The following NARS2 variants were observed in gnomAD, a reference collection of about 807,000 sequenced individuals.
NARS2 encodes the protein asparaginyl-tRNA synthetase 2, mitochondrial.
NARS2 carries 60 observed loss-of-function variants against 62.9 expected under a neutral mutation model. That is an observed-to-expected ratio of 0.95 (90% CI 0.77 to 1.18). The LOEUF (loss-of-function observed/expected upper bound fraction) is 1.18. NARS2 is among the 50% of genes most tolerant of loss of function. The probability of loss-of-function intolerance (pLI) is 0.00; values close to 1 mark genes in which losing one functional copy is unlikely to be tolerated. For missense variants in NARS2, 619 were observed against 576.4 expected, an observed-to-expected ratio of 1.07 and a Z score of -0.76; for synonymous variants, 196 against 200.0, an observed-to-expected ratio of 0.98 and a Z score of 0.17.
chr11:78,552,369 A>G (rs1856159739), intron 5 of NARS2, among the ~76,000 whole-genome samples: 2 of 152,154 alleles, frequency 1.3e-5, no homozygotes, highest in South Asian at 4.1e-4. Flanking sequence ...TATGTGTACC[A>G]TATTTTCTTT....
intron 5 of NARS2, among the ~76,000 whole-genome samples, chr11:78,529,804 G>A (rs1457875017): frequency 2.6e-5 from 4 of 152,140 alleles, no homozygotes; most frequent in Non-Finnish European, 5.9e-5. Flanking sequence ...GGGATTTATA[G>A]GCATGAGTCC....
intron 5 of NARS2, among the ~76,000 whole-genome samples, chr11:78,529,342 G>A (rs1035297494): frequency 2.6e-5 from 4 of 152,178 alleles, no homozygotes; most frequent in Non-Finnish European, 4.4e-5. Context: ...TGGAACATGC[G>A]AGGTCATATT....
intron 11 of NARS2, among the ~76,000 whole-genome samples, chr11:78,451,019 T>C (rs1330805682): frequency 1.3e-5 from 2 of 152,136 alleles, no homozygotes; most frequent in Non-Finnish European, 2.9e-5. Context: ...ATTCTTCTTT[T>C]CTCTTTTACT....
At chr11:78,461,904 G>T (rs1407725172) in intron 11 of NARS2, among the ~76,000 whole-genome samples, 1 of 151,980 alleles carries the variant, frequency 6.6e-6, no homozygotes, top group Non-Finnish European at 1.5e-5. Flanking sequence ...AATGAGCCAA[G>T]ATCGTGCCAT....
intron 10 of NARS2, among the ~76,000 whole-genome samples, 195 bp downstream of exon 10, chr11:78,469,052 T>G (rs145978015): frequency 6.6e-6 from 1 of 152,164 alleles, no homozygotes. Flanking sequence ...ATTTTTATTC[T>G]TAATTAATTC....
At chr11:78,521,231 C>T (rs1287920647) in intron 6 of NARS2, among the ~76,000 whole-genome samples, 1 of 150,018 alleles carries the variant, frequency 6.7e-6, no homozygotes, top group Non-Finnish European at 1.5e-5. Flanking sequence ...GTGTTGTGAT[C>T]ACAGCTCACT....
At chr11:78,456,886 T>A (rs1858182031) in intron 11 of NARS2, among the ~76,000 whole-genome samples, 1 of 152,254 alleles carries the variant, frequency 6.6e-6, no homozygotes, top group Non-Finnish European at 1.5e-5. Context: ...CATTTTCCCA[T>A]GATCTGTCCC....
At chr11:78,481,302 G>C (rs1381710486) in intron 7 of NARS2, among the ~76,000 whole-genome samples, 3 of 152,174 alleles carry the variant, frequency 2.0e-5, no homozygotes, top group African/African-American at 7.2e-5. Context: ...ACAACAGGAA[G>C]CTAAAGATCC....
At chr11:78,441,139 T>G in intron 12 of NARS2, 22 bp from the exon 13 acceptor site, 1 of 1,605,000 alleles carries the variant, frequency 6.2e-7, no homozygotes, top group South Asian at 1.1e-5. Context: ...AAAATAAAAT[T>G]CTTTCAGGGA....
chr11:78,451,436 T>C (rs1044582493), intron 11 of NARS2, among the ~76,000 whole-genome samples: 2 of 152,196 alleles, frequency 1.3e-5, no homozygotes, highest in African/African-American at 4.8e-5. Context: ...CACAAATTTC[T>C]TGGAGAAGTA....
chr11:78,486,179 AT>A (rs1018279322), intron 7 of NARS2, among the ~76,000 whole-genome samples: 2 of 151,382 alleles, frequency 1.3e-5, no homozygotes, highest in African/African-American at 4.9e-5. Context: ...CCAGCCTATT[AT>A]TTTTTTTTAA....
intron 5 of NARS2, among the ~76,000 whole-genome samples, chr11:78,545,302 C>G (rs566947947): frequency 4.6e-5 from 7 of 152,178 alleles, no homozygotes; most frequent in South Asian, 4.2e-4. Context: ...ACATCACTCA[C>G]ATATATAATT....
chr11:78,541,356 G>C (rs1855612639), intron 5 of NARS2, among the ~76,000 whole-genome samples: 1 of 148,998 alleles, frequency 6.7e-6, no homozygotes, highest in African/African-American at 2.5e-5. Context: ...TTTGAGATAA[G>C]GTCTTGCTAT....
chr11:78,444,302 T>A (rs1857676421), intron 11 of NARS2, among the ~76,000 whole-genome samples: 1 of 152,200 alleles, frequency 6.6e-6, no homozygotes. Flanking sequence ...TTTTTTCTTA[T>A]AATGTGGCAA....
chr11:78,447,531 G>C (rs897533951), intron 11 of NARS2, among the ~76,000 whole-genome samples: 2 of 152,046 alleles, frequency 1.3e-5, no homozygotes, highest in Admixed American at 1.3e-4. Context: ...CAGTATATTG[G>C]TGGTGATATC....
chr11:78,570,000 C>A (rs1249874186), intron 2 of NARS2, among the ~76,000 whole-genome samples: 1 of 152,036 alleles, frequency 6.6e-6, no homozygotes, highest in Non-Finnish European at 1.5e-5. Flanking sequence ...ACCAGCCTGG[C>A]CAACATGGTA....
At chr11:78,509,781 C>T (rs992264163) in intron 6 of NARS2, among the ~76,000 whole-genome samples, 5 of 144,736 alleles carry the variant, frequency 3.5e-5, no homozygotes, top group East Asian at 4.0e-4. Context: ...AAGCTGGGAT[C>T]GTGCCACTGC....
rs183205022 is a variant in NARS2 at position 78,488,355 on chromosome 11, C to T, written c.822+4708G>A. On this transcript the variant is annotated intron_variant, in intron 7 of 13. Coordinates refer to ENST00000281038, the MANE Select transcript of NARS2 (RefSeq NM_024678.6). Reference sequence around the variant, plus strand: ...GGATCCTTTACGTGAAAGAGGGAGGCATGAGGGTGTTGAGAGTTAGAAAGA... The same window carrying T: ...GGATCCTTTACGTGAAAGAGGGAGGTATGAGGGTGTTGAGAGTTAGAAAGA... 2.6e-3 allele frequency among the ~76,000 whole-genome samples: 394 copies of T among 152,006 alleles called. 2 individuals are homozygous for T. The highest frequency in any genetic ancestry group is 4.4e-3 in the Non-Finnish European group (299 of 67,990).
intron 9 of NARS2, among the ~76,000 whole-genome samples, chr11:78,470,552 T>C (rs939507174): frequency 6.6e-6 from 1 of 152,226 alleles, no homozygotes; most frequent in African/African-American, 2.4e-5. Flanking sequence ...TCTGTGTGTA[T>C]ATGAAGACAT....
Sources: allele counts gnomAD v4.1 joint callset (sites outside exome capture counted in the v4.1 genomes callset), GRCh38; gene constraint gnomAD v4.1.1; transcripts MANE v1.5; gene names NCBI Gene and HGNC (gene_info 2026-07-23, HGNC 2026-07-21).